Variants in HFM1 observed in about 807,000 individuals in gnomAD.
HFM1 encodes probable ATP-dependent DNA helicase HFM1.
Under a neutral mutation model 192.1 loss-of-function variants are expected in HFM1, and 169 were observed. The observed-to-expected ratio is 0.88, with a 90% CI of 0.78 to 1.00. HFM1 has a LOEUF of 1.00. Among genes scored for constraint, HFM1 ranks in the 50% least tolerant of loss-of-function variants. The pLI, the probability that HFM1 is intolerant of heterozygous loss-of-function variation, is 0.00. For missense variants in HFM1, 1,661 were observed against 1,668.0 expected, an observed-to-expected ratio of 1.00 and a Z score of 0.07; for synonymous variants, 525 against 537.8, an observed-to-expected ratio of 0.98 and a Z score of 0.33.
rs1406892099 is a variant in HFM1 at position 91,314,070 on chromosome 1, A to G, written c.3141-10T>C. On this transcript the variant is annotated splice_polypyrimidine_tract_variant and intron_variant, in intron 28 of 38. Transcript: ENST00000370425. ...TAGCAAAACAGAATCCCTGAAAAAT[A>G]GTATAGTTTAAATAGTGATCCAAAC... The G allele has an allele frequency of 6.5e-7, 1 of 1,538,352 alleles. No homozygotes were observed. The highest frequency in any genetic ancestry group is 1.1e-5 in the South Asian group (1 of 88,090).
intron 28 of HFM1, among the ~76,000 whole-genome samples, chr1:91,314,386 T>C (rs1368893278): frequency 6.6e-6 from 1 of 152,186 alleles, no homozygotes; most frequent in African/African-American, 2.4e-5. Flanking sequence ...CCCGAGTAGC[T>C]GGGACCACAG....
At chr1:91,404,914 C>T (rs1161473493), upstream of HFM1, 2 of 453,654 alleles carry the variant, frequency 4.4e-6, no homozygotes. Context: ...CCAACCTCTC[C>T]CTTCCTACCT....
intron 30 of HFM1, among the ~76,000 whole-genome samples, chr1:91,280,129 A>C (rs183618646): frequency 5.3e-5 from 8 of 152,328 alleles, no homozygotes; most frequent in Non-Finnish European, 2.9e-5. Context: ...TTAAACTAAA[A>C]TTGTTCTGAA....
intron 21 of HFM1, among the ~76,000 whole-genome samples, chr1:91,324,129 TTGA>T: frequency 6.6e-6 from 1 of 152,362 alleles, no homozygotes; most frequent in South Asian, 2.1e-4. Context: ...TGCCCCATTG[TTGA>T]TATTTTAGCA....
At chr1:91,387,517 G>A (rs1417233766) in intron 4 of HFM1, among the ~76,000 whole-genome samples, 5 of 151,926 alleles carry the variant, frequency 3.3e-5, no homozygotes, top group African/African-American at 7.3e-5. Flanking sequence ...CCCTGAGCTC[G>A]CCTTAGGACA....
chr1:91,351,693 G>T, intron 16 of HFM1, 50 bp from the exon 17 acceptor site: 2 of 948,030 alleles, frequency 2.1e-6, no homozygotes, highest in Non-Finnish European at 3.3e-6. Context: ...CATCTTGGTA[G>T]CAGTCCTCTT....
rs373976917 is a variant in HFM1 at position 91,273,640 on chromosome 1, A to G, written c.3772+72T>C. On this transcript the variant is annotated intron_variant, in intron 34 of 38. Coordinates refer to ENST00000370425, the MANE Select transcript of HFM1 (RefSeq NM_001017975.6). ...AACAATTTCAGATGCCGGTGTTTCA[A>G]TAACACTACTCGTCAATTCAAAGTA... 6.5e-4 allele frequency: 488 copies of G among 746,572 alleles called. 4 individuals are homozygous for G. Among genetic ancestry groups the G allele is most frequent in the South Asian group, 4.0e-3 (232 of 57,682 alleles). The allele number at this position is 746,572 out of a possible 1,614,324, so 46.2% of individuals were successfully genotyped here. A position where few individuals can be genotyped will look rare whatever the true frequency, so the allele number is the denominator to read the frequency against.
At chr1:91,378,357 T>C in intron 10 of HFM1, 46 bp downstream of exon 10, 1 of 1,435,390 alleles carries the variant, frequency 7.0e-7, no homozygotes, top group Non-Finnish European at 9.7e-7. Context: ...TGTCTTATTC[T>C]AATTATCCTT....
At chr1:91,309,124 T>C (rs1051119546) in intron 30 of HFM1, among the ~76,000 whole-genome samples, 1 of 152,218 alleles carries the variant, frequency 6.6e-6, no homozygotes, top group Non-Finnish European at 1.5e-5. Flanking sequence ...CTAAATGCGT[T>C]CTTCCTGTCA....
intron 28 of HFM1, 138 bp downstream of exon 28, chr1:91,315,677 G>C: frequency 1.7e-6 from 1 of 592,114 alleles, no homozygotes; most frequent in Non-Finnish European, 2.9e-6. Flanking sequence ...GAAAAATAGA[G>C]AAACCATCCC....
At chr1:91,405,645 A>G (rs1270225231), upstream of HFM1, among the ~76,000 whole-genome samples, 1 of 152,172 alleles carries the variant, frequency 6.6e-6, no homozygotes, top group South Asian at 2.1e-4. Context: ...AGTGATACTC[A>G]TAAGCTCTAA....
chr1:91,364,632 A>ATATTTTTTTTTTTTT (rs753472335), intron 13 of HFM1, among the ~76,000 whole-genome samples: 2 of 66,788 alleles, frequency 3.0e-5, no homozygotes, highest in African/African-American at 6.4e-5. Flanking sequence ...ATATATATAT[A>ATATTTTTTTTTTTTT]TTTTTTTTTT....
In HFM1 at chr1:91,375,586, G is replaced by A; in HGVS notation, c.1537C>T (p.Leu513Phe). Residue 513 changes from leucine to phenylalanine, a missense_variant, in exon 12 of 39, where the codon CTC becomes TTC. Leu to Phe is a conservative substitution (Grantham distance 22, BLOSUM62 0). Coordinates refer to ENST00000370425, the MANE Select transcript of HFM1 (RefSeq NM_001017975.6). ...ATAACACTGGCAATTTTGTAGTTGA[G>A]GGTTAAATCAAACTTAAACTCAGTT... ...NQTEFKFDLT[L>F]NYKIASVIQM... 1.9e-6 allele frequency: 3 copies of A among 1,613,484 alleles called. No individual in the cohort carries two copies. In the South Asian group the frequency reaches 3.3e-5, roughly 18 times the overall value.
chr1:91,378,502 C>G, intron 9 of HFM1, 22 bp from the exon 10 acceptor site: 3 of 1,406,016 alleles, frequency 2.1e-6, no homozygotes, highest in South Asian at 1.2e-5. Flanking sequence ...AAAAAGCATA[C>G]AAGTAGTTTA....
At chr1:91,387,919 A>T (rs1282215872) in intron 4 of HFM1, among the ~76,000 whole-genome samples, 218 of 104,768 alleles carry the variant, frequency 2.1e-3, no homozygotes, top group African/African-American at 8.2e-3. Flanking sequence ...AGTATAATTA[A>T]AAAAAAAAAA....
chr1:91,319,220 A>C lies in HFM1; in HGVS notation c.2681-11T>G. ...CAAAATCTGACAACCCTAAAAAAAAAGTTTCCAGTATTAAATCTAATATAC... is the reference window on the plus strand; with the variant it reads ...CAAAATCTGACAACCCTAAAAAAAACGTTTCCAGTATTAAATCTAATATAC... On this transcript the variant is annotated splice_polypyrimidine_tract_variant and intron_variant, in intron 24 of 38. Coordinates refer to ENST00000370425, the MANE Select transcript of HFM1 (RefSeq NM_001017975.6). 1.9e-6 allele frequency: 3 copies of C among 1,602,942 alleles called. No homozygotes were observed. The highest frequency in any genetic ancestry group is 1.1e-5 in the South Asian group (1 of 88,618).
At chr1:91,388,425 C>T (rs180802299) in intron 4 of HFM1, among the ~76,000 whole-genome samples, 4 of 152,280 alleles carry the variant, frequency 2.6e-5, no homozygotes, top group African/African-American at 7.2e-5. Context: ...GAGAATCAGT[C>T]GGTGTCAGTC....
At chr1:91,368,359 T>G (rs1229341250) in intron 13 of HFM1, among the ~76,000 whole-genome samples, 2 of 152,168 alleles carry the variant, frequency 1.3e-5, no homozygotes, top group African/African-American at 4.8e-5. Context: ...AAGGTTGGGT[T>G]ACCAACAAAG....
chr1:91,382,701 G>A (rs1661695485), intron 6 of HFM1, among the ~76,000 whole-genome samples: 1 of 152,144 alleles, frequency 6.6e-6, no homozygotes. Context: ...CATCATGTTG[G>A]TTTTTCTCTC....
Sources: gnomAD v4.1 joint callset for allele counts (sites outside exome capture counted in the v4.1 genomes callset) on GRCh38, gnomAD v4.1.1 for gene constraint, MANE v1.5 for transcripts, NCBI Gene and HGNC (gene_info 2026-07-23, HGNC 2026-07-21) for gene names.